Variants in MACROD1 observed in about 807,000 individuals in gnomAD.
MACROD1 encodes the protein ADP-ribose glycohydrolase MACROD1.
MACROD1 carries 31 observed loss-of-function variants against 41.4 expected under a neutral mutation model. That is an observed-to-expected ratio of 0.75 (90% CI 0.56 to 1.01). The LOEUF (loss-of-function observed/expected upper bound fraction) is 1.01, where lower values mean the gene tolerates loss of function less well. Ranked by LOEUF, MACROD1 falls within the 50% of genes least tolerant of loss-of-function variation. MACROD1 has a pLI of 0.00. For missense variants in MACROD1, 473 were observed against 460.0 expected (o/e 1.03, Z -0.26); for synonymous variants, 252 against 203.4 (o/e 1.24, Z -2.03).
intron 3 of MACROD1, among the ~76,000 whole-genome samples, chr11:64,063,389 C>G (rs1344382247): frequency 6.6e-6 from 1 of 152,036 alleles, no homozygotes; most frequent in Non-Finnish European, 1.5e-5. Flanking sequence ...GAGACCCATG[C>G]CAGATGTCAG....
intron 4 of MACROD1, among the ~76,000 whole-genome samples, chr11:64,006,634 G>A (rs558348041): frequency 6.6e-6 from 1 of 152,318 alleles, no homozygotes; most frequent in East Asian, 1.9e-4. Context: ...CTGCATGCCG[G>A]GGCTTGGTGG....
intron 3 of MACROD1, among the ~76,000 whole-genome samples, chr11:64,121,970 T>TA (rs5792313): frequency 0.25 from 33,476 of 134,670 alleles, 6,610 homozygotes; most frequent in East Asian, 0.54. Flanking sequence ...AAATCTCCCC[T>TA]AAAAAAAAAA....
intron 3 of MACROD1, among the ~76,000 whole-genome samples, chr11:64,063,270 G>A (rs1321359813): frequency 6.6e-6 from 1 of 152,064 alleles, no homozygotes; most frequent in African/African-American, 2.4e-5. Context: ...CAATATTAGC[G>A]CCCTCTTCCT....
chr11:64,048,505 C>T (rs1943628676), intron 3 of MACROD1, among the ~76,000 whole-genome samples: 1 of 152,158 alleles, frequency 6.6e-6, no homozygotes, highest in Admixed American at 6.5e-5. Context: ...CCAGATCCAG[C>T]CATGGAGGAG....
intron 3 of MACROD1, among the ~76,000 whole-genome samples, chr11:64,058,408 G>T (rs897905058): frequency 6.6e-6 from 1 of 152,274 alleles, no homozygotes; most frequent in African/African-American, 2.4e-5. Flanking sequence ...GGGCTTGGGG[G>T]GGGGTCCTCC....
rs1479904089 is a variant in MACROD1 at position 64,064,420 on chromosome 11, A to G, written c.518-49139T>C. On this transcript the variant is annotated intron_variant, in intron 3 of 10. Transcript: ENST00000255681. The surrounding 1 kb of genome is among the most constrained non-coding windows in gnomAD (Gnocchi z 4.5). The stretch of plus-strand genomic sequence containing the variant: ...GGCTCAGGGCCAGTGCCGGGACTCC[A>G]GCTCCTCTGGGCACTGGGCAGGCAA... Among the ~76,000 whole-genome samples, 2 of 152,146 alleles carry G rather than the reference A, an allele frequency of 1.3e-5. No homozygotes were observed. The highest frequency in any genetic ancestry group is 1.3e-4 in the Admixed American group (2 of 15,264).
At chr11:64,091,084 A>G (rs1204000683) in intron 3 of MACROD1, among the ~76,000 whole-genome samples, 3 of 121,002 alleles carry the variant, frequency 2.5e-5, no homozygotes, top group Non-Finnish European at 5.0e-5. Context: ...GGGACATGGG[A>G]GGAGGAGGGG....
chr11:64,045,796 A>G (rs1367581686), intron 3 of MACROD1, among the ~76,000 whole-genome samples: 1 of 152,212 alleles, frequency 6.6e-6, no homozygotes, highest in East Asian at 1.9e-4. Context: ...TAACAATAAT[A>G]GTAATAACAG....
intron 4 of MACROD1, among the ~76,000 whole-genome samples, chr11:64,008,269 T>C (rs574247148): frequency 1.3e-5 from 2 of 148,712 alleles, no homozygotes; most frequent in East Asian, 4.0e-4. Flanking sequence ...GAGAAAGAGG[T>C]GAGGGAGAGA....
At chr11:64,141,494 C>T (rs1271313419) in intron 3 of MACROD1, among the ~76,000 whole-genome samples, 1 of 152,246 alleles carries the variant, frequency 6.6e-6, no homozygotes, top group African/African-American at 2.4e-5. Context: ...AAGCCACGGC[C>T]TCCTGGGGAG....
chr11:64,142,696 G>A (rs1366986018), intron 3 of MACROD1, among the ~76,000 whole-genome samples: 5 of 152,224 alleles, frequency 3.3e-5, no homozygotes, highest in African/African-American at 9.6e-5. Context: ...ATTAGCTCCT[G>A]GCTGTGTCTG....
At chr11:64,015,145 A>C in intron 4 of MACROD1, 107 bp downstream of exon 4, 1 of 1,190,254 alleles carries the variant, frequency 8.4e-7, no homozygotes, top group Non-Finnish European at 1.1e-6. Flanking sequence ...ACAGTGGGGA[A>C]GGTGGATTGC....
intron 3 of MACROD1, among the ~76,000 whole-genome samples, chr11:64,029,011 C>A (rs1467708440): frequency 6.6e-6 from 1 of 152,198 alleles, no homozygotes; most frequent in Non-Finnish European, 1.5e-5. Context: ...GGAGAGGGAC[C>A]CTGGACTCAG....
intron 3 of MACROD1, among the ~76,000 whole-genome samples, chr11:64,025,458 C>T (rs1460542993): frequency 2.0e-5 from 3 of 152,194 alleles, no homozygotes; most frequent in Non-Finnish European, 2.9e-5. Flanking sequence ...ACTGATGAGC[C>T]TTTTCCATGC....
intron 3 of MACROD1, among the ~76,000 whole-genome samples, chr11:64,018,380 C>T (rs1002110339): frequency 1.3e-5 from 2 of 152,218 alleles, no homozygotes; most frequent in Non-Finnish European, 2.9e-5. Flanking sequence ...GCCCCTGGGC[C>T]TCGACACCAA....
intron 4 of MACROD1, chr11:64,001,672 C>T (rs539432): frequency 1.0e-5 from 7 of 701,022 alleles, no homozygotes; most frequent in East Asian, 2.7e-5. Context: ...ACGCTGAGAA[C>T]GGCTCAGGCC....
At chr11:64,060,876 G>T (rs543697106) in intron 3 of MACROD1, among the ~76,000 whole-genome samples, 2 of 152,234 alleles carry the variant, frequency 1.3e-5, no homozygotes, top group African/African-American at 4.8e-5. Flanking sequence ...CTCCAGGCCG[G>T]GCGTGTCAGC....
chr11:64,139,645 G>C (rs1264459345), intron 3 of MACROD1, among the ~76,000 whole-genome samples: 2 of 152,192 alleles, frequency 1.3e-5, no homozygotes, highest in Non-Finnish European at 2.9e-5. Context: ...GAACAGATGG[G>C]AAACCCCAAG....
chr11:64,072,877 G>A (rs1373436311), intron 3 of MACROD1, among the ~76,000 whole-genome samples: 1 of 152,194 alleles, frequency 6.6e-6, no homozygotes, highest in African/African-American at 2.4e-5. Context: ...ATAAACCTAC[G>A]TGTGGAGCAG....
Sources: gnomAD v4.1 joint callset for allele counts (sites outside exome capture counted in the v4.1 genomes callset) on GRCh38, gnomAD v4.1.1 for gene constraint, Gnocchi (gnomAD v3.1) non-coding constraint, MANE v1.5 for transcripts, NCBI Gene and HGNC (gene_info 2026-07-23, HGNC 2026-07-21) for gene names.